The following CEP20 variants were observed in gnomAD, a reference collection of about 807,000 sequenced individuals.
CEP20 encodes the protein FGFR1OP N-terminal like.
Under a neutral mutation model 20.0 loss-of-function variants are expected in CEP20, and 18 were observed. That is an observed-to-expected ratio of 0.90 (90% CI 0.62 to 1.34). The LOEUF (loss-of-function observed/expected upper bound fraction) is 1.34. CEP20 is among the 40% of genes most tolerant of loss of function. The pLI is 0.00. For missense variants in CEP20, 215 were observed against 201.6 expected (o/e 1.07, Z -0.40); for synonymous variants, 77 against 73.7 (o/e 1.04, Z -0.23).
At chr16:15,886,903 T>G (rs866331413) in intron 1 of CEP20, among the ~76,000 whole-genome samples, 16 of 144,846 alleles carry the variant, frequency 1.1e-4, no homozygotes, top group African/African-American at 2.6e-4. Context: ...ATTTTTTAAT[T>G]TGTTTTTTTT....
At chr16:15,872,035 T>C (rs72773962) in intron 4 of CEP20, among the ~76,000 whole-genome samples, 10,051 of 152,158 alleles carry the variant, frequency 0.066, 449 homozygotes, top group East Asian at 0.21. Flanking sequence ...CAGCTCTTGG[T>C]TGGGCGCGGT....
intron 4 of CEP20, among the ~76,000 whole-genome samples, chr16:15,870,496 G>A (rs1268874341): frequency 6.6e-6 from 1 of 152,096 alleles, no homozygotes; most frequent in African/African-American, 2.4e-5. Context: ...AGAGAAACGT[G>A]TAGACAAAGA....
At position 15,867,505 on chromosome 16, in the gene CEP20, T is replaced by C. The variant is rs111706577; in HGVS notation, c.460A>G (p.Arg154Gly). 6.2e-7 allele frequency: 1 copy of C among 1,604,144 alleles called. No individual in the cohort carries two copies. The highest frequency in any genetic ancestry group is 8.5e-7 in the Non-Finnish European group (1 of 1,173,674). ...SRRKPMDDHLRKEEQKSTNIE... is the reference protein window; with the variant it reads ...SRRKPMDDHLGKEEQKSTNIE... ...TTAGTACTTTTCTGTTCCTCCTTTC[T>C]TAGGTGGTCATCTGAAATGCACAGA... Residue 154 changes from arginine (R) to glycine (G), a missense_variant, in exon 5 of 5, where the codon AGA becomes GGA. Physicochemically the swap from Arg to Gly is moderately radical, Grantham distance 125. Transcript: ENST00000255759.
At chr16:15,877,660 C>A (rs1319310571) in intron 3 of CEP20, among the ~76,000 whole-genome samples, 2 of 152,116 alleles carry the variant, frequency 1.3e-5, no homozygotes, top group Non-Finnish European at 2.9e-5. Flanking sequence ...GCCTGTAATT[C>A]CAGCTACATG....
rs71388769 is a variant in CEP20, at chr16:15,882,784, T to TACACACACACAC, written c.226+1212_226+1223dup. On this transcript the variant is annotated intron_variant, in intron 2 of 4. Coordinates refer to ENST00000255759, the MANE Select transcript of CEP20 (RefSeq NM_144600.4). Reference sequence around the variant, plus strand: ...CTATCTATCTATCTATCTATCTAGATACACACACACACACACACAAATAGA... The same window carrying TACACACACACAC: ...CTATCTATCTATCTATCTATCTAGATACACACACACACACACACACACACACACACAAATAGA... 5.8e-4 allele frequency among the ~76,000 whole-genome samples: 87 copies of TACACACACACAC among 149,866 alleles called. 1 individual carries two copies. Among genetic ancestry groups the TACACACACACAC allele is most frequent in the East Asian group, 2.0e-3 (10 of 5,080 alleles).
chr16:15,879,768 A>T, intron 3 of CEP20, 36 bp downstream of exon 3: 1 of 1,227,176 alleles, frequency 8.1e-7, no homozygotes, highest in South Asian at 1.3e-5. Flanking sequence ...ATGACTCAAT[A>T]CAATATGTGG....
intron 2 of CEP20, among the ~76,000 whole-genome samples, chr16:15,880,866 A>C (rs572547398): frequency 6.6e-6 from 1 of 151,310 alleles, no homozygotes; most frequent in South Asian, 2.1e-4. Flanking sequence ...TGGGCTGTGC[A>C]CTCCTTATGA....
chr16:15,877,533 A>G (rs1209127560), intron 3 of CEP20, among the ~76,000 whole-genome samples: 1 of 152,186 alleles, frequency 6.6e-6, no homozygotes, highest in Non-Finnish European at 1.5e-5. Context: ...TTGGAAGGCC[A>G]AGGTAGGTGG....
At chr16:15,872,040 C>T (rs74009487) in intron 4 of CEP20, among the ~76,000 whole-genome samples, 10,096 of 152,204 alleles carry the variant, frequency 0.066, 452 homozygotes, top group East Asian at 0.21. Context: ...CTTGGTTGGG[C>T]GCGGTGGCTC....
At position 15,888,570 on chromosome 16, in the gene CEP20, C is replaced by T; in HGVS notation, c.16G>A (p.Glu6Lys). 1 of 1,614,204 alleles carries T rather than the reference C, an allele frequency of 6.2e-7. No individual in the cohort carries two copies. The highest frequency in any genetic ancestry group is 8.5e-7 in the Non-Finnish European group (1 of 1,180,028). Reference protein sequence around the residue: MATVAELKAVLKDTLE... With the variant: MATVAKLKAVLKDTLE... ...TGCTCGCACTCACCAGCCTTCAACTCTGCCACAGTCGCCATTTTTCAACGG... is the reference window on the plus strand; with the variant it reads ...TGCTCGCACTCACCAGCCTTCAACTTTGCCACAGTCGCCATTTTTCAACGG... The change falls in exon 1 of 5, where the codon GAG (glutamate) becomes AAG (lysine). Residue 6 changes from glutamate to lysine, a missense_variant. Transcript: ENST00000255759.
chr16:15,880,150 C>T (rs1395882669), intron 2 of CEP20, among the ~76,000 whole-genome samples: 1 of 152,146 alleles, frequency 6.6e-6, no homozygotes, highest in Non-Finnish European at 1.5e-5. Context: ...ATTTCTATAT[C>T]CAAATTATAA....
rs2044685456 is a variant in CEP20 at position 15,866,570 on chromosome 16, G to C, written c.*870C>G. ...GAATAAAAATTGATGTTTGGTAAGAGTTTCGGAGCCCAAACAAGTAGGGGG... is the reference window on the plus strand; with the variant it reads ...GAATAAAAATTGATGTTTGGTAAGACTTTCGGAGCCCAAACAAGTAGGGGG... On this transcript the variant is annotated 3_prime_UTR_variant, in exon 5 of 5. Coordinates refer to ENST00000255759, the MANE Select transcript of CEP20 (RefSeq NM_144600.4). 6.6e-6 allele frequency: 1 copy of C among 152,196 alleles called. No homozygotes were observed. Among genetic ancestry groups the C allele is most frequent in the African/African-American group, 2.4e-5 (1 of 41,454 alleles). 9.4% of individuals were successfully genotyped at this position (152,196 alleles called of 1,614,324 possible). A position where few individuals can be genotyped will look rare whatever the true frequency, so the allele number is the denominator to read the frequency against.
At chr16:15,879,530 A>AAAAC (rs10656462) in intron 3 of CEP20, among the ~76,000 whole-genome samples, 10,473 of 152,144 alleles carry the variant, frequency 0.069, 476 homozygotes, top group East Asian at 0.22. Flanking sequence ...TATAAATTAA[A>AAAAC]AAACAAACAA....
intron 4 of CEP20, among the ~76,000 whole-genome samples, chr16:15,873,073 A>T (rs911085409): frequency 2.0e-5 from 3 of 151,446 alleles, no homozygotes; most frequent in African/African-American, 7.3e-5. Flanking sequence ...AGTTTTCAGT[A>T]TTTTTTTGTT....
chr16:15,887,691 A>C (rs1315364578), intron 1 of CEP20, among the ~76,000 whole-genome samples: 1 of 152,204 alleles, frequency 6.6e-6, no homozygotes, highest in Admixed American at 6.5e-5. Context: ...ATTTGCTTCA[A>C]AGTAAACAGC....
chr16:15,869,310 CTTTTTTTTTTTT>C (rs11351295), intron 4 of CEP20, among the ~76,000 whole-genome samples: 1 of 118,186 alleles, frequency 8.5e-6, no homozygotes, highest in Non-Finnish European at 1.7e-5. Flanking sequence ...TCTTTCTTTC[CTTTTTTTTTTTT>C]TTTTTTGAGA....
At chr16:15,878,118 G>A (rs1013125698) in intron 3 of CEP20, among the ~76,000 whole-genome samples, 6 of 151,830 alleles carry the variant, frequency 4.0e-5, no homozygotes, top group African/African-American at 1.5e-4. Flanking sequence ...AGAGGAAAAT[G>A]CCATAAAGGA....
rs775034893 is a variant in CEP20, at chr16:15,879,902, A to G, written c.227-14T>C. On this transcript the variant is annotated splice_polypyrimidine_tract_variant and intron_variant, in intron 2 of 4. Transcript: ENST00000255759. ...GTTGACCAGATTCTGGGAGAAATAA[A>G]TTCATGAGAACACTCAGTCTATTAA... 20 of 1,548,074 alleles carry G rather than the reference A, an allele frequency of 1.3e-5. No individual in the cohort carries two copies. Among genetic ancestry groups the G allele is most frequent in the Admixed American group, 6.2e-5 (3 of 48,610 alleles).
chr16:15,876,336 G>C (rs11075284), intron 3 of CEP20, among the ~76,000 whole-genome samples: 1 of 151,954 alleles, frequency 6.6e-6, no homozygotes, highest in Non-Finnish European at 1.5e-5. Context: ...TTAGCCAGGC[G>C]TGGTGGCATG....
Sources: allele counts gnomAD v4.1 joint callset (sites outside exome capture counted in the v4.1 genomes callset), GRCh38; gene constraint gnomAD v4.1.1; transcripts MANE v1.5; gene names NCBI Gene and HGNC (gene_info 2026-07-23, HGNC 2026-07-21).